The following CELF1 variants were observed in gnomAD, a reference collection of about 807,000 sequenced individuals.
CELF1 encodes 50 kDa nuclear polyadenylated RNA-binding protein.
A neutral mutation model predicts 61.8 loss-of-function variants in CELF1; 10 were observed. That is an observed-to-expected ratio of 0.16 (90% CI 0.10 to 0.27). The LOEUF is 0.27. CELF1 is among the 10% of genes least tolerant of loss of function. CELF1 has a pLI of 1.00. For synonymous variants in CELF1, 236 were observed against 225.1 expected (o/e 1.05, Z -0.43); for missense variants, 380 against 639.1 (o/e 0.59, Z 4.37).
chr11:47,486,742 T>C lies in CELF1; in HGVS notation c.391+8A>G. 2.5e-6 allele frequency: 4 copies of C among 1,610,684 alleles called. No homozygotes were observed. The highest frequency in any genetic ancestry group is 3.4e-6 in the Non-Finnish European group (4 of 1,176,802). On this transcript the variant is annotated splice_region_variant and intron_variant, in intron 6 of 14. Transcript: ENST00000687097. Reference sequence around the variant, plus strand: ...ATCTTAAGGGGAAGATTGTATACATTTGCTTACCATTGTTCTTCTCACTGT... The same window carrying C: ...ATCTTAAGGGGAAGATTGTATACATCTGCTTACCATTGTTCTTCTCACTGT...
At chr11:47,509,233 G>A (rs1280788499) in intron 1 of CELF1, among the ~76,000 whole-genome samples, 1 of 152,138 alleles carries the variant, frequency 6.6e-6, no homozygotes, top group African/African-American at 2.4e-5. Flanking sequence ...TCATTTCTGT[G>A]GGGAACCAAA....
At chr11:47,518,800 C>T (rs189643086) in intron 1 of CELF1, among the ~76,000 whole-genome samples, 37 of 152,276 alleles carry the variant, frequency 2.4e-4, no homozygotes, top group Admixed American at 2.2e-3. Flanking sequence ...AACAGTCTTT[C>T]CTTAGCACTA....
chr11:47,475,529 G>A lies in CELF1; in HGVS notation c.1088-8C>T, dbSNP rs1289611394. 3 of 1,613,638 alleles carry A rather than the reference G, an allele frequency of 1.9e-6. No individual in the cohort carries two copies. The highest frequency in any genetic ancestry group is 2.2e-5 in the South Asian group (2 of 91,052). ...CATTTAAAGCAGCCATTCCTTGGTT[G>A]GAGGAAGAGAAGGATTAATATACTA... On this transcript the variant is annotated splice_polypyrimidine_tract_variant and splice_region_variant and intron_variant, in intron 12 of 14. Transcript: ENST00000687097.
chr11:47,483,839 A>C (rs1314835547), intron 7 of CELF1, among the ~76,000 whole-genome samples: 1 of 152,224 alleles, frequency 6.6e-6, no homozygotes, highest in Admixed American at 6.5e-5. Context: ...CAAAGCACCA[A>C]AAGAGAAAAT....
intron 1 of CELF1, among the ~76,000 whole-genome samples, chr11:47,503,530 T>C (rs1276206295): frequency 6.6e-6 from 1 of 152,104 alleles, no homozygotes; most frequent in Non-Finnish European, 1.5e-5. Flanking sequence ...TCACCATCAA[T>C]CTATATGAGG....
intron 3 of CELF1, among the ~76,000 whole-genome samples, chr11:47,497,415 C>G (rs1330349500): frequency 6.6e-6 from 1 of 152,238 alleles, no homozygotes; most frequent in Non-Finnish European, 1.5e-5. Context: ...TTCACTGACA[C>G]TAGAGGCAGC....
At chr11:47,514,886 T>C (rs1194208748) in intron 1 of CELF1, 1 of 152,134 alleles carries the variant, frequency 6.6e-6, no homozygotes, top group Non-Finnish European at 1.5e-5. Flanking sequence ...AAAAATCTCT[T>C]TTCCTATTTC....
rs1595946473 is a variant in CELF1, at chr11:47,470,311, CTTTTTTA to C, written c.*1912_*1918del. 5 of 146,392 alleles carry C rather than the reference CTTTTTTA, an allele frequency of 3.4e-5. No individual in the cohort carries two copies. Among genetic ancestry groups the C allele is most frequent in the East Asian group, 2.0e-4 (1 of 5,014 alleles). 9.1% of individuals were successfully genotyped at this position (146,392 alleles called of 1,614,324 possible). Reference sequence around the variant, plus strand: ...CTTTTTTTTTTTTGTTTTCTTTTTTCTTTTTTATTTTTATTTTTTGCATTTATTTAAA... The same window carrying C: ...CTTTTTTTTTTTTGTTTTCTTTTTTCTTTTTATTTTTTGCATTTATTTAAA... On this transcript the variant is annotated 3_prime_UTR_variant, in exon 15 of 15. Coordinates refer to ENST00000687097, the MANE Select transcript of CELF1 (RefSeq NM_001376376.1).
intron 1 of CELF1, among the ~76,000 whole-genome samples, chr11:47,502,527 T>G (rs191896690): frequency 3.3e-5 from 5 of 152,240 alleles, no homozygotes; most frequent in Non-Finnish European, 1.5e-5. Flanking sequence ...TGTATGTGTG[T>G]GTGTGTGTTT....
At chr11:47,483,209 G>A (rs1229705736) in intron 8 of CELF1, among the ~76,000 whole-genome samples, 2 of 152,142 alleles carry the variant, frequency 1.3e-5, no homozygotes, top group African/African-American at 4.8e-5. Context: ...GGGCTGCAGT[G>A]AGCCATGATA....
chr11:47,540,189 A>C lies in CELF1; in HGVS notation c.-154+12803T>G, dbSNP rs143684330. On this transcript the variant is annotated intron_variant, in intron 1 of 14. Transcript: ENST00000687097. ...AAAAGCTTAAAATCTTGCTGAAATA[A>C]TAAAATACTAAATCAGGTACAGGAA... 2.4e-3 allele frequency among the ~76,000 whole-genome samples: 360 copies of C among 152,352 alleles called. 2 individuals carry two copies. Among genetic ancestry groups the C allele is most frequent in the African/African-American group, 8.2e-3 (339 of 41,592 alleles).
Position 47,467,122 on chromosome 11 carries a change from C to T in CELF1, c.*5108G>A, listed in dbSNP as rs1440819288. ...CTCCCCAGCCCCTAGCTACATCTCT[C>T]CACCCTTCCCTGGACAGTCCTACTT... On this transcript the variant is annotated 3_prime_UTR_variant, in exon 15 of 15. Coordinates refer to ENST00000687097, the MANE Select transcript of CELF1 (RefSeq NM_001376376.1). 6.6e-6 allele frequency: 1 copy of T among 152,342 alleles called. No individual in the cohort carries two copies. The highest frequency in any genetic ancestry group is 2.4e-5 in the African/African-American group (1 of 41,418). 9.4% of individuals were successfully genotyped at this position (152,342 alleles called of 1,614,324 possible).
intron 2 of CELF1, among the ~76,000 whole-genome samples, chr11:47,558,440 T>A (rs1037166016): frequency 5.4e-5 from 7 of 130,080 alleles, no homozygotes; most frequent in African/African-American, 9.1e-5. Flanking sequence ...ATATATATAT[T>A]ATATATATAT....
At chr11:47,519,862 CAA>C (rs768633294) in intron 1 of CELF1, among the ~76,000 whole-genome samples, 12 of 105,026 alleles carry the variant, frequency 1.1e-4, no homozygotes, top group Admixed American at 3.1e-4. Flanking sequence ...GACTCCGTCT[CAA>C]AAAAAAAAAA....
chr11:47,519,740 G>A (rs976864589), intron 1 of CELF1, among the ~76,000 whole-genome samples: 1 of 151,928 alleles, frequency 6.6e-6, no homozygotes, highest in Non-Finnish European at 1.5e-5. Context: ...GTGGGCGCCT[G>A]TAGTCCCCGC....
chr11:47,515,761 A>G (rs928269084), intron 1 of CELF1, among the ~76,000 whole-genome samples: 1 of 151,784 alleles, frequency 6.6e-6, no homozygotes, highest in Admixed American at 6.5e-5. Context: ...GAAGGAACTA[A>G]AGGGAAGATA....
In CELF1 at chr11:47,487,018, C is replaced by T. The variant is rs2087754606; in HGVS notation, c.342+141G>A. ...AATGTCAGGTAATCTCTGAACTGCT[C>T]CCTTTATGTCTTCCTTTACATCAAT... On this transcript the variant is annotated intron_variant, in intron 5 of 14. Coordinates refer to ENST00000687097, the MANE Select transcript of CELF1 (RefSeq NM_001376376.1). 3 of 755,800 alleles carry T rather than the reference C, an allele frequency of 4.0e-6. No individual in the cohort carries two copies. The African/African-American group carries it at 5.2e-5, about 13-fold the overall frequency. 46.8% of individuals were successfully genotyped at this position (755,800 alleles called of 1,614,324 possible).
intron 1 of CELF1, chr11:47,523,876 T>A (rs1597910859): frequency 2.0e-5 from 3 of 152,250 alleles, no homozygotes; most frequent in Admixed American, 2.0e-4. Context: ...TTAGAATATC[T>A]CATAACAAAC....
rs557655366 is a variant in CELF1 at position 47,475,607 on chromosome 11, G to T, written c.1088-86C>A. ...GTCTACTTGGGACATCTAGAAGAGG[G>T]AAAACTCCAAAGTTCTCCCCTTTAT... On this transcript the variant is annotated intron_variant, in intron 12 of 14. Transcript: ENST00000687097. 9 of 1,366,026 alleles carry T rather than the reference G, an allele frequency of 6.6e-6. No individual in the cohort carries two copies. In the East Asian group the frequency reaches 2.1e-4, roughly 32 times the overall value. The allele number at this position is 1,366,026 out of a possible 1,614,324, so 84.6% of individuals were successfully genotyped here.
Sources: allele counts gnomAD v4.1 joint callset (sites outside exome capture counted in the v4.1 genomes callset), GRCh38; gene constraint gnomAD v4.1.1; transcripts MANE v1.5; gene names NCBI Gene and HGNC (gene_info 2026-07-23, HGNC 2026-07-21).